CHST8: variants seen among roughly 807,000 people sequenced by gnomAD.
The protein encoded by CHST8 is carbohydrate sulfotransferase 8.
A neutral mutation model predicts 15.0 loss-of-function variants in CHST8; 10 were observed. That is an observed-to-expected ratio of 0.67 (90% CI 0.41 to 1.13). The LOEUF is 1.13. Ranked by LOEUF, CHST8 falls within the 50% of genes most tolerant of loss-of-function variation. CHST8 has a pLI of 0.00. For missense variants in CHST8, 634 were observed against 608.2 expected, an observed-to-expected ratio of 1.04 and a Z score of -0.45; for synonymous variants, 259 against 256.6, an observed-to-expected ratio of 1.01 and a Z score of -0.09.
At position 33,751,513 on chromosome 19, in the gene CHST8, G is replaced by C. The variant is rs149537431; in HGVS notation, c.131-19900G>C. On this transcript the variant is annotated intron_variant, in intron 3 of 4. Coordinates refer to ENST00000650847, the MANE Select transcript of CHST8 (RefSeq NM_001127895.2). ...CTGGTCTCCCCAGGGACCCAGTGTG[G>C]GCAGCCCAAGGCCAAGACCCTGGCA... is the stretch of plus-strand genomic sequence containing the variant. Among the ~76,000 whole-genome samples, 618 of 152,322 alleles carry C rather than the reference G, an allele frequency of 4.1e-3. 2 individuals are homozygous for C. Among genetic ancestry groups the C allele is most frequent in the Admixed American group, 5.7e-3 (87 of 15,308 alleles).
At chr19:33,637,928 G>C (rs1449832824) in intron 1 of CHST8, among the ~76,000 whole-genome samples, 4 of 150,514 alleles carry the variant, frequency 2.7e-5, no homozygotes, top group Non-Finnish European at 4.4e-5. Flanking sequence ...CTTCCAGGAA[G>C]GCTCAAACAT....
rs1327199397 is a variant in CHST8 at position 33,696,911 on chromosome 19, GC to G, written c.130+7521del. On this transcript the variant is annotated intron_variant, in intron 3 of 4. Transcript: ENST00000650847. ...GCTAGAGTCCAATGGTACAATCTTG[GC>G]TCACCACAACCTCTGCCTCCCGGGT... 2.0e-5 allele frequency among the ~76,000 whole-genome samples: 3 copies of G among 151,476 alleles called. No homozygotes were observed. The East Asian group carries it at 5.8e-4, about 29-fold the overall frequency.
intron 3 of CHST8, among the ~76,000 whole-genome samples, chr19:33,694,277 T>A (rs577174331): frequency 6.8e-6 from 1 of 147,288 alleles, no homozygotes; most frequent in Non-Finnish European, 1.5e-5. Context: ...TCTTTTAATG[T>A]TTGGCTTTTG....
chr19:33,679,161 A>G (rs1972852042), intron 2 of CHST8, among the ~76,000 whole-genome samples: 1 of 151,948 alleles, frequency 6.6e-6, no homozygotes. Flanking sequence ...TTACTCACAG[A>G]CTCCTCTCTG....
intron 3 of CHST8, among the ~76,000 whole-genome samples, chr19:33,724,875 G>A (rs564658685): frequency 6.6e-6 from 1 of 152,156 alleles, no homozygotes; most frequent in Non-Finnish European, 1.5e-5. Context: ...GGCCCAGAGT[G>A]GGGGGCCACA....
chr19:33,699,290 C>T (rs990593537), intron 3 of CHST8, among the ~76,000 whole-genome samples: 2 of 152,146 alleles, frequency 1.3e-5, no homozygotes, highest in African/African-American at 4.8e-5. Context: ...CGGGAGCTCA[C>T]AATCTGTGGG....
At chr19:33,756,009 A>G (rs1319837866) in intron 3 of CHST8, among the ~76,000 whole-genome samples, 1 of 152,020 alleles carries the variant, frequency 6.6e-6, no homozygotes, top group African/African-American at 2.4e-5. Context: ...AAGCTCCTCC[A>G]CCCCCACCCA....
intron 1 of CHST8, among the ~76,000 whole-genome samples, chr19:33,633,994 AT>A (rs1323431404): frequency 1.3e-5 from 2 of 150,328 alleles, no homozygotes; most frequent in Non-Finnish European, 3.0e-5. Context: ...TTGTTTTGGT[AT>A]TTTTTGTAGA....
intron 1 of CHST8, among the ~76,000 whole-genome samples, chr19:33,631,257 C>T (rs1033641104): frequency 1.3e-4 from 20 of 152,142 alleles, no homozygotes; most frequent in African/African-American, 3.9e-4. Context: ...TTCTTTCTCC[C>T]GGGAATATTC....
At chr19:33,637,547 C>T (rs1003487485) in intron 1 of CHST8, among the ~76,000 whole-genome samples, 35 of 151,442 alleles carry the variant, frequency 2.3e-4, no homozygotes, top group African/African-American at 8.2e-4. Context: ...GGACTACAGG[C>T]GCACGCTGCC....
chr19:33,651,499 T>C (rs574805584), intron 1 of CHST8, among the ~76,000 whole-genome samples: 1 of 152,306 alleles, frequency 6.6e-6, no homozygotes, highest in East Asian at 1.9e-4. Flanking sequence ...GCAAACCATG[T>C]TAATATTTAT....
chr19:33,708,214 G>T (rs1973482645), intron 3 of CHST8, among the ~76,000 whole-genome samples: 1 of 152,106 alleles, frequency 6.6e-6, no homozygotes, highest in Non-Finnish European at 1.5e-5. Flanking sequence ...GTGTCTTCTG[G>T]AGTGGAAAAG....
chr19:33,698,039 A>T (rs1973254603), intron 3 of CHST8, among the ~76,000 whole-genome samples: 1 of 152,118 alleles, frequency 6.6e-6, no homozygotes, highest in Admixed American at 6.5e-5. Context: ...ACACTTTGGG[A>T]GGCTGAGGCG....
chr19:33,757,430 G>A (rs866610379), intron 3 of CHST8, among the ~76,000 whole-genome samples: 1 of 16,978 alleles, frequency 5.9e-5, no homozygotes, highest in South Asian at 2.3e-3. Context: ...AAGAAAGAAA[G>A]AAAGAAAGAA....
intron 1 of CHST8, among the ~76,000 whole-genome samples, chr19:33,632,587 G>A (rs1292463387): frequency 6.6e-6 from 1 of 152,154 alleles, no homozygotes; most frequent in Non-Finnish European, 1.5e-5. Context: ...CGTATACAAT[G>A]CAGTGAATGT....
chr19:33,716,287 T>G (rs567715264), intron 3 of CHST8, among the ~76,000 whole-genome samples: 2 of 152,352 alleles, frequency 1.3e-5, no homozygotes, highest in East Asian at 3.9e-4. Context: ...TGATGTCTCT[T>G]GTGGTGGAGG....
rs761570920 is a variant in CHST8 at position 33,771,979 on chromosome 19, A to G, written c.191A>G (p.Gln64Arg). Reference protein sequence around the residue: ...PHHDLPPGGSQDGDLKEPTER... With the variant: ...PHHDLPPGGSRDGDLKEPTER... Reference sequence around the variant, plus strand: ...CAGGACCTCCCACCAGGCGGCTCCCAGGATGGTGACTTGAAGGAACCCACA... The same window carrying G: ...CAGGACCTCCCACCAGGCGGCTCCCGGGATGGTGACTTGAAGGAACCCACA... The change falls in exon 5 of 5, where the codon CAG becomes CGG. Residue 64 changes from glutamine to arginine, a missense_variant. Transcript: ENST00000650847. 2.5e-6 allele frequency: 4 copies of G among 1,577,782 alleles called. No homozygotes were observed. Among genetic ancestry groups the G allele is most frequent in the Non-Finnish European group, 3.4e-6 (4 of 1,165,048 alleles).
rs1203343989 is a variant in CHST8 at position 33,744,546 on chromosome 19, C to T, written c.131-26867C>T. ...AGAGTCACCCTTCAGAAGCTGGATA[C>T]TCTTCCTTTCTCCCCTTCATTTTTT... On this transcript the variant is annotated intron_variant, in intron 3 of 4. Transcript: ENST00000650847. 2.6e-5 allele frequency: 4 copies of T among 151,590 alleles called. 1 individual carries two copies. Among genetic ancestry groups the T allele is most frequent in the Non-Finnish European group, 5.9e-5 (4 of 67,906 alleles). 9.4% of individuals were successfully genotyped at this position (151,590 alleles called of 1,614,324 possible). A position where few individuals can be genotyped will look rare whatever the true frequency, so the allele number is the denominator to read the frequency against.
intron 1 of CHST8, among the ~76,000 whole-genome samples, chr19:33,667,059 G>T (rs538950781): frequency 6.6e-6 from 1 of 152,304 alleles, no homozygotes; most frequent in East Asian, 1.9e-4. Flanking sequence ...TCACAGGCGT[G>T]TGTATGCATC....
Sources: allele counts gnomAD v4.1 joint callset (sites outside exome capture counted in the v4.1 genomes callset), GRCh38; gene constraint gnomAD v4.1.1; transcripts MANE v1.5; gene names NCBI Gene and HGNC (gene_info 2026-07-23, HGNC 2026-07-21).